Variants in NAA11 observed in about 807,000 individuals in gnomAD.
NAA11 encodes N-alpha-acetyltransferase 11, NatA catalytic subunit, also known as N-alpha-acetyltransferase 11.
NAA11 carries 15 observed loss-of-function variants against 16.1 expected under a neutral mutation model. That is an observed-to-expected ratio of 0.93 (90% CI 0.62 to 1.44). The LOEUF (loss-of-function observed/expected upper bound fraction) is 1.44, where lower values mean the gene tolerates loss of function less well. Ranked by LOEUF, NAA11 falls within the 40% of genes most tolerant of loss-of-function variation. The probability of loss-of-function intolerance (pLI) is 0.00; values close to 1 mark genes in which losing one functional copy is unlikely to be tolerated. For synonymous variants in NAA11, 122 were observed against 112.4 expected, an observed-to-expected ratio of 1.09 and a Z score of -0.54; for missense variants, 298 against 291.3, an observed-to-expected ratio of 1.02 and a Z score of -0.17.
chr4:79,252,063 T>A (rs1722009659), intron 2 of NAA11, among the ~76,000 whole-genome samples: 1 of 152,194 alleles, frequency 6.6e-6, no homozygotes, highest in South Asian at 2.1e-4. Context: ...GGGACCATTA[T>A]TCTAAGTGAA....
the NAA11 span, among the ~76,000 whole-genome samples, chr4:79,194,792 A>G: frequency 6.6e-6 from 1 of 152,150 alleles, no homozygotes; most frequent in Non-Finnish European, 1.5e-5. Flanking sequence ...ATATTGATTT[A>G]TCTAACACTT....
the NAA11 span, among the ~76,000 whole-genome samples, chr4:79,197,334 T>C: frequency 6.6e-6 from 1 of 152,048 alleles, no homozygotes; most frequent in Admixed American, 6.6e-5. Context: ...CTCTATTGAA[T>C]GTGTGACGTT....
intron 2 of NAA11, chr4:79,227,967 T>C (rs1329520738): frequency 6.6e-6 from 1 of 151,996 alleles, no homozygotes; most frequent in Admixed American, 6.6e-5. Context: ...AGTCCAGAAG[T>C]CTTCTGGAAC....
chr4:79,262,423 A>G (rs1722262505), intron 2 of NAA11, among the ~76,000 whole-genome samples: 1 of 152,180 alleles, frequency 6.6e-6, no homozygotes. Flanking sequence ...CACATCTTTA[A>G]TGAGGGCTGA....
chr4:79,317,887 C>G (rs1175957055), intron 1 of NAA11, 96 bp from the exon 2 acceptor site: 1 of 152,160 alleles, frequency 6.6e-6, no homozygotes, highest in Middle Eastern at 3.1e-3. Context: ...TAGACTGGAA[C>G]AGCAGATAAA....
the NAA11 span, among the ~76,000 whole-genome samples, chr4:79,167,163 G>GATATATAT: frequency 4.5e-5 from 1 of 22,060 alleles, no homozygotes; most frequent in Admixed American, 5.1e-4. Context: ...TATGTATATG[G>GATATATAT]AGAGAGAGAA....
intron 1 of NAA11, among the ~76,000 whole-genome samples, chr4:79,320,690 T>C (rs1724064784): frequency 1.3e-5 from 2 of 152,224 alleles, no homozygotes; most frequent in Non-Finnish European, 2.9e-5. Flanking sequence ...ATTTTTTAGA[T>C]GAAATCAACC....
intron 2 of NAA11, among the ~76,000 whole-genome samples, chr4:79,230,553 G>A (rs1721439390): frequency 6.6e-6 from 1 of 151,928 alleles, no homozygotes; most frequent in African/African-American, 2.4e-5. Flanking sequence ...TAAGTACTAT[G>A]AGAGTTGCTT....
chr4:79,193,537 G>A, the NAA11 span, among the ~76,000 whole-genome samples: 4 of 152,086 alleles, frequency 2.6e-5, no homozygotes, highest in Non-Finnish European at 5.9e-5. Context: ...GATAGTTGTA[G>A]ATATGCAGCA....
At chr4:79,280,964 G>A (rs1463432877) in intron 2 of NAA11, among the ~76,000 whole-genome samples, 1 of 152,076 alleles carries the variant, frequency 6.6e-6, no homozygotes, top group African/African-American at 2.4e-5. Flanking sequence ...GGTGTGGTGA[G>A]TGAGGGAGTG....
intron 1 of NAA11, among the ~76,000 whole-genome samples, chr4:79,301,241 A>G (rs1723372880): frequency 6.6e-6 from 1 of 152,202 alleles, no homozygotes; most frequent in African/African-American, 2.4e-5. Flanking sequence ...TGGTTGAAGA[A>G]TTTGATCAGA....
chr4:79,234,187 G>T (rs1489940154), intron 2 of NAA11, among the ~76,000 whole-genome samples: 2 of 152,098 alleles, frequency 1.3e-5, no homozygotes, highest in African/African-American at 2.4e-5. Context: ...TGCCTAAAAT[G>T]ATTTCGAGGT....
At chr4:79,192,620 T>G in the NAA11 span, among the ~76,000 whole-genome samples, 1 of 152,066 alleles carries the variant, frequency 6.6e-6, no homozygotes, top group Admixed American at 6.6e-5. Flanking sequence ...CTTAATTCAG[T>G]CTATCATTGT....
chr4:79,171,830 C>A, the NAA11 span, among the ~76,000 whole-genome samples: 1 of 152,118 alleles, frequency 6.6e-6, no homozygotes, highest in East Asian at 1.9e-4. Flanking sequence ...GACAAATCTA[C>A]TATAAAATAC....
downstream of NAA11, among the ~76,000 whole-genome samples, chr4:79,313,405 C>G (rs376403639): frequency 2.0e-5 from 3 of 152,104 alleles, no homozygotes; most frequent in Non-Finnish European, 4.4e-5. Flanking sequence ...TGTTGGACTC[C>G]GCACTCTGTG....
chr4:79,206,836 T>C, the NAA11 span, among the ~76,000 whole-genome samples: 1 of 152,164 alleles, frequency 6.6e-6, no homozygotes, highest in Non-Finnish European at 1.5e-5. Flanking sequence ...GTGTACCCTT[T>C]CTGCAGAAAG....
chr4:79,315,295 T>C (rs535914717), downstream of NAA11, among the ~76,000 whole-genome samples: 1 of 152,292 alleles, frequency 6.6e-6, no homozygotes, highest in Admixed American at 6.5e-5. Context: ...GTCCTGATCC[T>C]TTCTAAATTT....
the NAA11 span, among the ~76,000 whole-genome samples, chr4:79,157,589 G>A: frequency 2.7e-5 from 4 of 150,836 alleles, no homozygotes; most frequent in East Asian, 1.9e-4. Context: ...ATATATACGT[G>A]TGTGTGTATA....
the NAA11 span, among the ~76,000 whole-genome samples, chr4:79,173,488 A>G: frequency 6.6e-6 from 1 of 152,128 alleles, no homozygotes; most frequent in South Asian, 2.1e-4. Flanking sequence ...AGTACCTGGT[A>G]TATACTAGAT....
Sources: allele counts gnomAD v4.1 joint callset (sites outside exome capture counted in the v4.1 genomes callset), GRCh38; gene constraint gnomAD v4.1.1; transcripts MANE v1.5; gene names NCBI Gene and HGNC (gene_info 2026-07-23, HGNC 2026-07-21).